Variants in RUNX3 observed in about 807,000 individuals in gnomAD.
The protein encoded by RUNX3 is RUNX family transcription factor 3.
RUNX3 carries 10 observed loss-of-function variants against 27.7 expected under a neutral mutation model. That is an observed-to-expected ratio of 0.36 (90% CI 0.22 to 0.61). The LOEUF is 0.61. RUNX3 is among the 20% of genes least tolerant of loss of function. The probability of loss-of-function intolerance (pLI) is 0.72; values close to 1 mark genes in which losing one functional copy is unlikely to be tolerated. For missense variants in RUNX3, 469 were observed against 629.5 expected, an observed-to-expected ratio of 0.75 and a Z score of 2.73; for synonymous variants, 270 against 269.2, an observed-to-expected ratio of 1.00 and a Z score of -0.03.
At chr1:24,912,719 C>A (rs538132249) in intron 3 of RUNX3, among the ~76,000 whole-genome samples, 4 of 151,830 alleles carry the variant, frequency 2.6e-5, no homozygotes, top group African/African-American at 9.7e-5. Flanking sequence ...AAAACTGAGG[C>A]TCTGGACAGC....
intron 2 of RUNX3, among the ~76,000 whole-genome samples, chr1:24,954,438 A>C (rs1460985573): frequency 6.6e-6 from 1 of 152,220 alleles, no homozygotes; most frequent in Non-Finnish European, 1.5e-5. Flanking sequence ...AGTCCAGGGA[A>C]GGAAGGAAAG....
chr1:24,911,767 T>C (rs1640801195), intron 3 of RUNX3, among the ~76,000 whole-genome samples: 1 of 152,036 alleles, frequency 6.6e-6, no homozygotes, highest in African/African-American at 2.4e-5. Context: ...TCCCATTGTT[T>C]AGACGGGGCC....
At chr1:24,936,642 G>A (rs1028879734) in intron 2 of RUNX3, among the ~76,000 whole-genome samples, 1 of 152,144 alleles carries the variant, frequency 6.6e-6, no homozygotes, top group Non-Finnish European at 1.5e-5. Flanking sequence ...TGCCTCTCCA[G>A]CTACCTCCCG....
chr1:24,953,630 T>C (rs1641835933), intron 2 of RUNX3, among the ~76,000 whole-genome samples: 3 of 152,186 alleles, frequency 2.0e-5, no homozygotes, highest in Admixed American at 2.0e-4. Context: ...CAGAGAATCC[T>C]ACGGGACGGT....
intron 2 of RUNX3, among the ~76,000 whole-genome samples, chr1:24,956,575 C>T (rs1191750030): frequency 1.3e-5 from 2 of 152,140 alleles, no homozygotes; most frequent in African/African-American, 4.8e-5. Flanking sequence ...CTTTCTCCAC[C>T]CCCCCTGGAC....
intron 3 of RUNX3, among the ~76,000 whole-genome samples, chr1:24,914,622 C>T (rs1640854168): frequency 2.0e-5 from 3 of 152,270 alleles, no homozygotes; most frequent in Admixed American, 1.3e-4. Flanking sequence ...ATTAGGAGAA[C>T]CCAGGAGGTC....
chr1:24,961,012 T>A (rs1642097032), intron 2 of RUNX3, among the ~76,000 whole-genome samples: 1 of 152,098 alleles, frequency 6.6e-6, no homozygotes, highest in African/African-American at 2.4e-5. Context: ...GCCCTGAGGG[T>A]AGGCGTTGCC....
At chr1:24,911,209 T>C (rs1171986313) in intron 3 of RUNX3, among the ~76,000 whole-genome samples, 1 of 152,246 alleles carries the variant, frequency 6.6e-6, no homozygotes, top group Non-Finnish European at 1.5e-5. Context: ...GACAACAGCC[T>C]GAGTGCAAAG....
chr1:24,915,423 C>CA (rs1350395401), intron 3 of RUNX3, among the ~76,000 whole-genome samples: 1 of 152,044 alleles, frequency 6.6e-6, no homozygotes, highest in Non-Finnish European at 1.5e-5. Flanking sequence ...GACTCCATCT[C>CA]AAAAAACAAA....
chr1:24,953,363 G>GAAAAAAAAAA (rs71577738), intron 2 of RUNX3, among the ~76,000 whole-genome samples: 4 of 60,464 alleles, frequency 6.6e-5, no homozygotes, highest in East Asian at 4.3e-4. Flanking sequence ...GACTCCGTCT[G>GAAAAAAAAAA]AAAAAAAAAA....
intron 2 of RUNX3, among the ~76,000 whole-genome samples, chr1:24,947,992 G>A (rs181334819): frequency 8.5e-5 from 13 of 152,242 alleles, no homozygotes; most frequent in Admixed American, 1.3e-4. Context: ...TTCCCCATCT[G>A]TCAGACAATG....
At chr1:24,959,859 A>AG (rs1005957358) in intron 2 of RUNX3, among the ~76,000 whole-genome samples, 2 of 152,026 alleles carry the variant, frequency 1.3e-5, no homozygotes, top group African/African-American at 4.8e-5. Context: ...AACCACTGCT[A>AG]GGGGGACCTC....
exon 1 of RUNX3, chr1:24,964,921 G>A (rs146731627): frequency 3.0e-6 from 1 of 335,372 alleles, no homozygotes; most frequent in African/African-American, 2.1e-5. Flanking sequence ...ATTAGATGGC[G>A]GGAAGGGGCT....
At chr1:24,928,810 C>A in intron 1 of RUNX3, 1 of 341,388 alleles carries the variant, frequency 2.9e-6, no homozygotes, top group East Asian at 8.5e-5. Context: ...ACGGCCTCAG[C>A]TTCCAGCCAC....
chr1:24,936,035 G>A (rs1024838208), intron 2 of RUNX3, among the ~76,000 whole-genome samples: 12 of 152,214 alleles, frequency 7.9e-5, no homozygotes, highest in African/African-American at 2.9e-4. Context: ...GGTGCGTGCA[G>A]AGCTACCTGC....
chr1:24,954,748 C>T (rs536719538), intron 2 of RUNX3, among the ~76,000 whole-genome samples: 51 of 152,336 alleles, frequency 3.3e-4, no homozygotes, highest in Admixed American at 8.5e-4. Flanking sequence ...AAGTGTGCTT[C>T]GGCTGCTCAG....
intron 2 of RUNX3, among the ~76,000 whole-genome samples, chr1:24,921,360 G>C (rs1355875831): frequency 2.0e-5 from 3 of 152,150 alleles, no homozygotes; most frequent in Non-Finnish European, 2.9e-5. Context: ...GGCCCTCTGA[G>C]ACACCAGGGG....
chr1:24,906,492 C>T (rs1640666755), intron 4 of RUNX3, among the ~76,000 whole-genome samples: 2 of 152,252 alleles, frequency 1.3e-5, no homozygotes, highest in South Asian at 4.1e-4. Flanking sequence ...CCTCCCATGT[C>T]CCCAGCTCAC....
At chr1:24,942,513 A>C (rs564139519) in intron 2 of RUNX3, among the ~76,000 whole-genome samples, 6 of 152,146 alleles carry the variant, frequency 3.9e-5, no homozygotes, top group Non-Finnish European at 8.8e-5. Context: ...CAGGGTGGTC[A>C]GGGAAGGTCT....
Sources: allele counts gnomAD v4.1 joint callset (sites outside exome capture counted in the v4.1 genomes callset), GRCh38; gene constraint gnomAD v4.1.1; transcripts MANE v1.5; gene names NCBI Gene and HGNC (gene_info 2026-07-23, HGNC 2026-07-21).